The following C11orf65 variants were observed in gnomAD, a reference collection of about 807,000 sequenced individuals.
The protein encoded by C11orf65 is chromosome 11 open reading frame 65.
Under a neutral mutation model 35.3 loss-of-function variants are expected in C11orf65, and 38 were observed. That is an observed-to-expected ratio of 1.08 (90% CI 0.83 to 1.41). C11orf65 has a LOEUF of 1.41. C11orf65 is among the 40% of genes most tolerant of loss of function. The probability of loss-of-function intolerance (pLI) is 0.00; values close to 1 mark genes in which losing one functional copy is unlikely to be tolerated. For synonymous variants in C11orf65, 105 were observed against 114.4 expected, an observed-to-expected ratio of 0.92 and a Z score of 0.53; for missense variants, 370 against 367.1, an observed-to-expected ratio of 1.01 and a Z score of -0.06.
At chr11:108,425,256 C>A (rs998559248) in intron 3 of C11orf65, among the ~76,000 whole-genome samples, 1 of 151,768 alleles carries the variant, frequency 6.6e-6, no homozygotes, top group Non-Finnish European at 1.5e-5. Context: ...AGACCACTAG[C>A]CAGACTAACA....
At chr11:108,426,791 C>T (rs2092908813) in intron 3 of C11orf65, among the ~76,000 whole-genome samples, 1 of 152,082 alleles carries the variant, frequency 6.6e-6, no homozygotes, top group Non-Finnish European at 1.5e-5. Flanking sequence ...GGTACTGATA[C>T]CAAAACAGAT....
intron 2 of C11orf65, among the ~76,000 whole-genome samples, chr11:108,433,699 T>C (rs1273250214): frequency 6.6e-6 from 1 of 152,126 alleles, no homozygotes; most frequent in East Asian, 1.9e-4. Context: ...CTGCATTCCA[T>C]TGGTCAAACT....
intron 7 of C11orf65, among the ~76,000 whole-genome samples, chr11:108,386,406 G>A (rs1033577375): frequency 3.9e-5 from 6 of 152,192 alleles, no homozygotes; most frequent in East Asian, 1.9e-4. Flanking sequence ...TCTCTGATAC[G>A]TGAAGGGAAA....
In C11orf65 at chr11:108,461,578, A is replaced by C. The variant is rs2093473903; in HGVS notation, c.-9-10T>G. ...AAGGCATTTGAAATTCCTAAAAGAA[A>C]ATGAGCAAAAAGGGTACATTTAAAA... On this transcript the variant is annotated splice_polypyrimidine_tract_variant and intron_variant, in intron 1 of 8. Coordinates refer to ENST00000393084, the MANE Select transcript of C11orf65 (RefSeq NM_152587.5). The C allele has an allele frequency of 3.4e-6, 5 of 1,471,720 alleles. No individual in the cohort carries two copies. The South Asian group carries it at 6.2e-5, about 18-fold the overall frequency. The allele number at this position is 1,471,720 out of a possible 1,614,324, so 91.2% of individuals were successfully genotyped here. A position where few individuals can be genotyped will look rare whatever the true frequency, so the allele number is the denominator to read the frequency against.
intron 2 of C11orf65, among the ~76,000 whole-genome samples, chr11:108,339,737 C>T (rs1423919410): frequency 6.6e-6 from 1 of 152,052 alleles, no homozygotes; most frequent in Non-Finnish European, 1.5e-5. Context: ...GGGTTTGATT[C>T]CCCCTCCCCG....
At chr11:108,360,223 AC>A (rs1292547833) in intron 2 of C11orf65, among the ~76,000 whole-genome samples, 2 of 150,624 alleles carry the variant, frequency 1.3e-5, no homozygotes, top group Non-Finnish European at 3.0e-5. Context: ...CTCGACACAT[AC>A]ACTCTCCCAA....
chr11:108,434,267 G>A (rs1318586233), intron 2 of C11orf65, among the ~76,000 whole-genome samples: 1 of 152,118 alleles, frequency 6.6e-6, no homozygotes, highest in Non-Finnish European at 1.5e-5. Context: ...CACTTTGGGA[G>A]GCTAAGGCAG....
chr11:108,348,738 A>G (rs2088807499), intron 2 of C11orf65, among the ~76,000 whole-genome samples: 1 of 152,212 alleles, frequency 6.6e-6, no homozygotes, highest in Non-Finnish European at 1.5e-5. Flanking sequence ...TCAGAAAATA[A>G]TATATTGAGA....
Position 108,406,816 on chromosome 11 carries a change from T to C in C11orf65, c.376A>G (p.Ser126Gly). 1 of 1,613,248 alleles carries C rather than the reference T, an allele frequency of 6.2e-7. No homozygotes were observed. The highest frequency in any genetic ancestry group is 8.5e-7 in the Non-Finnish European group (1 of 1,179,532). Reference sequence around the variant, plus strand: ...TTTTCTATACGATGATACCAGCCACTATGATCCTCTTCCTGAAGATGATCA... The same window carrying C: ...TTTTCTATACGATGATACCAGCCACCATGATCCTCTTCCTGAAGATGATCA... Reference protein sequence around the residue: ...KNDHLQEEDHSGWYHRIENNG... With the variant: ...KNDHLQEEDHGGWYHRIENNG... Residue 126 changes from serine (S) to glycine (G), a missense_variant, in exon 5 of 9, where the codon AGT (serine) becomes GGT (glycine). Physicochemically the swap from Ser to Gly is moderately conservative, Grantham distance 56. Coordinates refer to ENST00000393084, the MANE Select transcript of C11orf65 (RefSeq NM_152587.5).
intron 6 of C11orf65, among the ~76,000 whole-genome samples, chr11:108,321,059 A>C (rs900981323): frequency 6.6e-6 from 1 of 152,182 alleles, no homozygotes; most frequent in Non-Finnish European, 1.5e-5. Flanking sequence ...TGGTCTTGCT[A>C]TCTCAGGGGT....
intron 2 of C11orf65, among the ~76,000 whole-genome samples, chr11:108,377,743 GC>G (rs1235901560): frequency 6.6e-6 from 1 of 151,832 alleles, no homozygotes; most frequent in East Asian, 1.9e-4. Flanking sequence ...CACTGTCTCA[GC>G]CCAAAATCTC....
chr11:108,382,890 T>C lies in C11orf65; in HGVS notation c.*131A>G, dbSNP rs2091894591. 1.3e-6 allele frequency: 2 copies of C among 1,531,408 alleles called. No individual in the cohort carries two copies. Among genetic ancestry groups the C allele is most frequent in the Non-Finnish European group, 1.7e-6 (2 of 1,151,020 alleles). The allele number at this position is 1,531,408 out of a possible 1,614,324, so 94.9% of individuals were successfully genotyped here. A position where few individuals can be genotyped will look rare whatever the true frequency, so the allele number is the denominator to read the frequency against. On this transcript the variant is annotated 3_prime_UTR_variant, in exon 9 of 9. Coordinates refer to ENST00000393084, the MANE Select transcript of C11orf65 (RefSeq NM_152587.5). ...TGTTCTATTTCTGCTCAATCTTCCT[T>C]ACTTAACTGAGCTAGATTCTGTGCC...
chr11:108,437,018 G>A (rs2093069059), intron 2 of C11orf65, among the ~76,000 whole-genome samples: 1 of 149,278 alleles, frequency 6.7e-6, no homozygotes, highest in African/African-American at 2.5e-5. Flanking sequence ...AGAACTTTGG[G>A]AGGCTGACAT....
intron 6 of C11orf65, among the ~76,000 whole-genome samples, chr11:108,397,100 C>G (rs2092330313): frequency 6.6e-6 from 1 of 151,688 alleles, no homozygotes; most frequent in South Asian, 2.1e-4. Flanking sequence ...GTGGGCAGGT[C>G]ATGTGAGGTC....
Position 108,317,616 on chromosome 11 carries a change from TA to T in C11orf65, c.641-8546del, listed in dbSNP as rs1285340610. ...TCTATGAATATAACAGGAGTTGTTT[TA>T]TATATATATATATATATATATATAT... On this transcript the variant is annotated intron_variant, in intron 6 of 6. Transcript: ENST00000525729. The T allele has an allele frequency of 3.7e-3, 36 of 9,618 alleles. No homozygotes were observed. The South Asian group carries it at 0.089, about 24-fold the overall frequency. The allele number at this position is 9,618 out of a possible 1,614,324, so 0.6% of individuals were successfully genotyped here.
chr11:108,353,422 C>T (rs2089443566), intron 2 of C11orf65, among the ~76,000 whole-genome samples: 1 of 152,174 alleles, frequency 6.6e-6, no homozygotes, highest in Non-Finnish European at 1.5e-5. Context: ...GCTGGGATTA[C>T]AGGCGGGAGC....
intron 2 of C11orf65, chr11:108,347,433 C>G (rs2088583059): frequency 2.6e-5 from 33 of 1,271,950 alleles, no homozygotes; most frequent in Non-Finnish European, 3.8e-5. Context: ...TGTTGTTTGC[C>G]TACCAAGATA....
At chr11:108,434,398 A>G (rs926346869) in intron 2 of C11orf65, among the ~76,000 whole-genome samples, 3 of 151,838 alleles carry the variant, frequency 2.0e-5, no homozygotes, top group African/African-American at 7.3e-5. Flanking sequence ...CCAGCTACTC[A>G]GGAGGCTGAG....
intron 6 of C11orf65, among the ~76,000 whole-genome samples, chr11:108,324,143 G>T: frequency 6.6e-6 from 1 of 152,060 alleles, no homozygotes; most frequent in East Asian, 1.9e-4. Flanking sequence ...AGAGATTTAT[G>T]TATAACCTGT....
Sources: allele counts gnomAD v4.1 joint callset (sites outside exome capture counted in the v4.1 genomes callset), GRCh38; gene constraint gnomAD v4.1.1; transcripts MANE v1.5; gene names NCBI Gene and HGNC (gene_info 2026-07-23, HGNC 2026-07-21).